POFUT3: variants seen among roughly 807,000 people sequenced by gnomAD.
The protein encoded by POFUT3 is protein O-fucosyltransferase 3.
the POFUT3 span, among the ~76,000 whole-genome samples, chr8:33,365,522 C>T: frequency 3.9e-5 from 6 of 152,020 alleles, no homozygotes; most frequent in East Asian, 9.6e-4. Context: ...TGACAAAGGG[C>T]GAATATCCAG....
chr8:33,333,598 G>C, the POFUT3 span, among the ~76,000 whole-genome samples: 1 of 144,960 alleles, frequency 6.9e-6, no homozygotes, highest in Non-Finnish European at 1.5e-5. Flanking sequence ...ATTCCTGAGA[G>C]AGCAAATGGA....
chr8:33,462,170 ACC>A, the POFUT3 span, among the ~76,000 whole-genome samples: 1 of 3,352 alleles, frequency 3.0e-4, no homozygotes, highest in Non-Finnish European at 5.1e-4. Context: ...AGGGGAAGGG[ACC>A]AGAGTGGTGA....
At chr8:33,321,578 C>T in the POFUT3 span, among the ~76,000 whole-genome samples, 2 of 152,216 alleles carry the variant, frequency 1.3e-5, no homozygotes, top group Admixed American at 1.3e-4. Flanking sequence ...TCGAAAGTCC[C>T]AGACCATCTC....
the POFUT3 span, among the ~76,000 whole-genome samples, chr8:33,345,774 G>A: frequency 5.9e-5 from 9 of 151,872 alleles, no homozygotes; most frequent in Middle Eastern, 3.4e-3. Flanking sequence ...ACAATGGGGC[G>A]TGGAAAGAGG....
At chr8:33,432,407 C>CAA in the POFUT3 span, among the ~76,000 whole-genome samples, 4 of 92,808 alleles carry the variant, frequency 4.3e-5, no homozygotes, top group Admixed American at 2.4e-4. Context: ...GACTCTGTCT[C>CAA]AAAAAAAAAA....
the POFUT3 span, chr8:33,372,628 C>T: frequency 6.2e-7 from 1 of 1,614,012 alleles, no homozygotes; most frequent in Non-Finnish European, 8.5e-7. Context: ...AGTTTTGATT[C>T]CTATCAACCA....
the POFUT3 span, among the ~76,000 whole-genome samples, chr8:33,416,450 A>G: frequency 2.0e-5 from 3 of 152,112 alleles, no homozygotes; most frequent in Non-Finnish European, 4.4e-5. Flanking sequence ...GGTGGCGCAC[A>G]CCTGTAATCC....
chr8:33,352,913 A>C, the POFUT3 span, among the ~76,000 whole-genome samples: 1 of 152,248 alleles, frequency 6.6e-6, no homozygotes, highest in Admixed American at 6.5e-5. Flanking sequence ...CAGATTAATC[A>C]ATTATCCCAG....
At chr8:33,308,087 A>G in the POFUT3 span, among the ~76,000 whole-genome samples, 40 of 152,348 alleles carry the variant, frequency 2.6e-4, 1 homozygote, top group East Asian at 2.5e-3. Flanking sequence ...GATTTATTGC[A>G]TACGCACAAG....
At chr8:33,363,608 A>C in the POFUT3 span, among the ~76,000 whole-genome samples, 1 of 152,222 alleles carries the variant, frequency 6.6e-6, no homozygotes, top group Admixed American at 6.5e-5. Context: ...ATCCCACAGA[A>C]ATACCAACTA....
At chr8:33,328,807 C>T in the POFUT3 span, among the ~76,000 whole-genome samples, 1 of 152,088 alleles carries the variant, frequency 6.6e-6, no homozygotes, top group South Asian at 2.1e-4. Context: ...TCTGTAAAGG[C>T]AAAAGGAGCA....
chr8:33,382,456 C>T, the POFUT3 span, among the ~76,000 whole-genome samples: 1 of 151,876 alleles, frequency 6.6e-6, no homozygotes, highest in Non-Finnish European at 1.5e-5. Context: ...CAAAAAATTT[C>T]GGAAGTTGCA....
At chr8:33,465,433 G>T in the POFUT3 span, among the ~76,000 whole-genome samples, 22,297 of 147,724 alleles carry the variant, frequency 0.15, 1,924 homozygotes, top group African/African-American at 0.26. Flanking sequence ...TATATATAGA[G>T]AGAGAGAGAG....
the POFUT3 span, among the ~76,000 whole-genome samples, chr8:33,426,859 C>A: frequency 8.5e-5 from 13 of 152,158 alleles, no homozygotes; most frequent in African/African-American, 2.9e-4. Flanking sequence ...CCTCCCAGGG[C>A]CTGGGGAATG....
chr8:33,388,248 G>A, the POFUT3 span, among the ~76,000 whole-genome samples: 1 of 152,062 alleles, frequency 6.6e-6, no homozygotes, highest in South Asian at 2.1e-4. Context: ...CAGTGTGAGA[G>A]GTCTGGCAGA....
chr8:33,337,098 A>G, the POFUT3 span, among the ~76,000 whole-genome samples: 1 of 152,226 alleles, frequency 6.6e-6, no homozygotes, highest in Non-Finnish European at 1.5e-5. Context: ...AAAGAAAGAT[A>G]GGATGATGAA....
At chr8:33,357,472 TC>T in the POFUT3 span, among the ~76,000 whole-genome samples, 1 of 151,836 alleles carries the variant, frequency 6.6e-6, no homozygotes, top group Non-Finnish European at 1.5e-5. Context: ...GACCCCATTC[TC>T]TACCACCATT....
the POFUT3 span, among the ~76,000 whole-genome samples, chr8:33,380,996 G>C: frequency 3.3e-5 from 5 of 151,968 alleles, no homozygotes; most frequent in South Asian, 8.3e-4. Context: ...AATTAACCAG[G>C]CATGGTGACA....
the POFUT3 span, among the ~76,000 whole-genome samples, chr8:33,467,876 T>C: frequency 1.3e-5 from 2 of 152,152 alleles, no homozygotes; most frequent in Non-Finnish European, 2.9e-5. Flanking sequence ...CAAGGGGTGA[T>C]TTCTTTCCTG....
Sources: allele counts gnomAD v4.1 joint callset (sites outside exome capture counted in the v4.1 genomes callset), GRCh38; gene constraint gnomAD v4.1.1; transcripts MANE v1.5; gene names NCBI Gene and HGNC (gene_info 2026-07-23, HGNC 2026-07-21).